SCAMP2: variants seen among roughly 807,000 people sequenced by gnomAD.
The protein encoded by SCAMP2 is secretory carrier-associated membrane protein 2.
A neutral mutation model predicts 44.1 loss-of-function variants in SCAMP2; 25 were observed. The observed-to-expected ratio is 0.57, with a 90% CI of 0.41 to 0.79. SCAMP2 has a LOEUF of 0.79. Ranked by LOEUF, SCAMP2 falls within the 30% of genes least tolerant of loss-of-function variation. SCAMP2 has a pLI of 0.00. For missense variants in SCAMP2, 355 were observed against 411.0 expected (o/e 0.86, Z 1.18); for synonymous variants, 156 against 166.0 (o/e 0.94, Z 0.46).
chr15:74,845,710 A>G, intron 7 of SCAMP2, 117 bp from the exon 8 acceptor site: 1 of 1,284,660 alleles, frequency 7.8e-7, no homozygotes, highest in Non-Finnish European at 1.1e-6. Flanking sequence ...GCATCTCCCC[A>G]CAGCACAGGG....
intron 3 of SCAMP2, chr15:74,852,427 T>G (rs535237895): frequency 1.1e-5 from 4 of 372,032 alleles, no homozygotes; most frequent in African/African-American, 8.3e-5. Flanking sequence ...TCCTCTCCCC[T>G]CATCCCTAAG....
intron 6 of SCAMP2, among the ~76,000 whole-genome samples, chr15:74,848,938 A>C (rs914488900): frequency 1.3e-5 from 2 of 152,044 alleles, no homozygotes; most frequent in African/African-American, 4.8e-5. Flanking sequence ...CCCCTTCCTC[A>C]AAGAGCTGAT....
At chr15:74,848,406 A>G in intron 7 of SCAMP2, 194 bp downstream of exon 7, 1 of 464,184 alleles carries the variant, frequency 2.2e-6, no homozygotes, top group Non-Finnish European at 3.8e-6. Context: ...TATCAAGGAG[A>G]AAAAAAAAGT....
chr15:74,872,764 T>A (rs2064585478), intron 1 of SCAMP2, among the ~76,000 whole-genome samples: 1 of 152,134 alleles, frequency 6.6e-6, no homozygotes, highest in Non-Finnish European at 1.5e-5. Context: ...TTCCCACATT[T>A]TTCCCCTCCA....
Position 74,845,002 on chromosome 15 carries a change from A to G in SCAMP2, c.*81T>C. The G allele has an allele frequency of 2.0e-6, 3 of 1,493,560 alleles. No homozygotes were observed. The highest frequency in any genetic ancestry group is 2.7e-6 in the Non-Finnish European group (3 of 1,093,128). The allele number at this position is 1,493,560 out of a possible 1,614,324, so 92.5% of individuals were successfully genotyped here. A position where few individuals can be genotyped will look rare whatever the true frequency, so the allele number is the denominator to read the frequency against. On this transcript the variant is annotated 3_prime_UTR_variant, in exon 9 of 9. Transcript: ENST00000268099. ...TGCCAGGTCTGTGCTGGGCACAACC[A>G]CCACCACATAAGGCACCCACGGAAA...
rs773551168 is a variant in SCAMP2, at chr15:74,848,634, T to C, written c.700A>G (p.Ile234Val). The C allele has an allele frequency of 1.2e-6, 2 of 1,613,454 alleles. No individual in the cohort carries two copies. The highest frequency in any genetic ancestry group is 2.2e-5 in the East Asian group (1 of 44,882). The change falls in exon 7 of 9, where the codon ATC (isoleucine) becomes GTC (valine). Residue 234 changes from isoleucine to valine, a missense_variant. Transcript: ENST00000268099. ...AGGCCAGGGATGCCAACCAACTGGATGATGTAGATCCCTATTTGACAAAAA... is the reference window on the plus strand; with the variant it reads ...AGGCCAGGGATGCCAACCAACTGGACGATGTAGATCCCTATTTGACAAAAA... ...VFFCQIGIYI[I>V]QLVGIPGLGD...
chr15:74,854,974 GTTTT>G (rs1205211475), intron 1 of SCAMP2, among the ~76,000 whole-genome samples: 3 of 138,148 alleles, frequency 2.2e-5, no homozygotes, highest in Non-Finnish European at 3.1e-5. Flanking sequence ...TAGGGAGTGG[GTTTT>G]TTTTTTTTTT....
chr15:74,845,688 A>G, intron 7 of SCAMP2, 95 bp from the exon 8 acceptor site: 7 of 1,476,674 alleles, frequency 4.7e-6, no homozygotes, highest in South Asian at 1.2e-5. Flanking sequence ...CTGTGTCCTG[A>G]CCATCACCTT....
intron 7 of SCAMP2, chr15:74,848,367 C>A (rs2064412870): frequency 5.0e-6 from 2 of 397,206 alleles, no homozygotes; most frequent in Non-Finnish European, 9.0e-6. Flanking sequence ...TGCACCTGAC[C>A]AATAGTGAGT....
chr15:74,848,358 G>C, intron 7 of SCAMP2: 1 of 361,978 alleles, frequency 2.8e-6, no homozygotes, highest in Non-Finnish European at 5.0e-6. Context: ...ATGAGCCACT[G>C]CACCTGACCA....
chr15:74,849,027 C>T (rs1313444131), intron 6 of SCAMP2, among the ~76,000 whole-genome samples: 1 of 152,096 alleles, frequency 6.6e-6, no homozygotes, highest in East Asian at 1.9e-4. Flanking sequence ...GCACTCCAGC[C>T]TGGGTGACAG....
At position 74,844,428 on chromosome 15, in the gene SCAMP2, T is replaced by C. The variant is rs1325274995; in HGVS notation, c.*655A>G. On this transcript the variant is annotated 3_prime_UTR_variant, in exon 9 of 9. Transcript: ENST00000268099. ...CCAGAGGGCTCAAAGTGCCATCCCC[T>C]GCAGGAGGGTGCAGGGGGATAAAGG... 2 of 152,284 alleles carry C rather than the reference T, an allele frequency of 1.3e-5. No homozygotes were observed. Among genetic ancestry groups the C allele is most frequent in the Non-Finnish European group, 2.9e-5 (2 of 68,108 alleles). 9.4% of individuals were successfully genotyped at this position (152,284 alleles called of 1,614,324 possible).
chr15:74,854,705 C>T (rs984708670), intron 1 of SCAMP2, 56 bp from the exon 2 acceptor site: 104 of 1,503,566 alleles, frequency 6.9e-5, no homozygotes, highest in Non-Finnish European at 9.0e-5. Flanking sequence ...GGCCAGGGGC[C>T]GGCAGGCGAG....
intron 1 of SCAMP2, among the ~76,000 whole-genome samples, chr15:74,862,328 G>A (rs1247141175): frequency 2.3e-5 from 3 of 132,802 alleles, no homozygotes; most frequent in Non-Finnish European, 4.7e-5. Flanking sequence ...TATAATTCTA[G>A]CACTTTGGGA....
At chr15:74,869,920 CT>C (rs2064564255) in intron 1 of SCAMP2, among the ~76,000 whole-genome samples, 1 of 152,172 alleles carries the variant, frequency 6.6e-6, no homozygotes, top group Non-Finnish European at 1.5e-5. Context: ...AGGGCTACAC[CT>C]CCCAACGTCC....
chr15:74,872,249 C>T (rs1037423475), intron 1 of SCAMP2, among the ~76,000 whole-genome samples: 16 of 152,102 alleles, frequency 1.1e-4, no homozygotes, highest in South Asian at 2.1e-4. Flanking sequence ...CCCGTCTCTA[C>T]TAAAAGTATG....
rs975290325 is a variant in SCAMP2 at position 74,857,603 on chromosome 15, T to C, written c.58-2954A>G. On this transcript the variant is annotated intron_variant, in intron 1 of 8. Transcript: ENST00000268099. ...AGACATCTGGCCAAGGTGCACATGT[T>C]TAATAGGTGATCTCCAGGCCCACAA... is the stretch of plus-strand genomic sequence containing the variant. Among the ~76,000 whole-genome samples, 5 of 152,114 alleles carry C rather than the reference T, an allele frequency of 3.3e-5. No homozygotes were observed. In the East Asian group the frequency reaches 9.6e-4, roughly 29 times the overall value.
intron 1 of SCAMP2, among the ~76,000 whole-genome samples, 168 bp from the exon 2 acceptor site, chr15:74,854,817 C>T (rs1596416815): frequency 1.3e-5 from 2 of 152,288 alleles, no homozygotes; most frequent in South Asian, 2.1e-4. Flanking sequence ...ACCACAGCTG[C>T]GGTCCCTTCT....
chr15:74,847,086 ATTTT>A (rs34231883), intron 7 of SCAMP2, among the ~76,000 whole-genome samples: 2 of 109,280 alleles, frequency 1.8e-5, no homozygotes, highest in Non-Finnish European at 1.8e-5. Context: ...TTGTCAGTTA[ATTTT>A]TTTTTTTTTT....
Sources: allele counts gnomAD v4.1 joint callset (sites outside exome capture counted in the v4.1 genomes callset), GRCh38; gene constraint gnomAD v4.1.1; transcripts MANE v1.5; gene names NCBI Gene and HGNC (gene_info 2026-07-23, HGNC 2026-07-21).